The following PUDP variants were observed in gnomAD, a reference collection of about 807,000 sequenced individuals.
PUDP encodes the protein pseudouridine 5'-phosphatase, also known as pseudouridine-5'-phosphatase.
In PUDP, 8 loss-of-function variants were observed where a neutral mutation model predicts 9.4. That is an observed-to-expected ratio of 0.85 (90% CI 0.50 to 1.53). The LOEUF is 1.53. PUDP is among the 40% of genes most tolerant of loss of function. PUDP has a pLI of 0.00. For missense variants in PUDP, 188 were observed against 189.7 expected (o/e 0.99, Z 0.05); for synonymous variants, 99 against 80.7 (o/e 1.23, Z -1.22).
intron 3 of PUDP, among the ~76,000 whole-genome samples, chrX:7,061,166 G>C (rs1021281569): frequency 3.6e-5 from 4 of 111,014 alleles, no homozygotes; most frequent in Non-Finnish European, 7.6e-5. Context: ...GAAATTACTG[G>C]GGCTACTGAC....
intron 3 of PUDP, among the ~76,000 whole-genome samples, chrX:7,076,111 G>T (rs1293761162): frequency 2.7e-5 from 3 of 111,744 alleles, no homozygotes; most frequent in Non-Finnish European, 3.8e-5. Flanking sequence ...GCTCAAGGTA[G>T]TAAGTTGCAC....
intron 3 of PUDP, among the ~76,000 whole-genome samples, chrX:6,829,808 G>A (rs1041834634): frequency 9.1e-6 from 1 of 110,466 alleles, no homozygotes; most frequent in Non-Finnish European, 1.9e-5. Flanking sequence ...GCAACTCTCA[G>A]GTAAGCCACT....
intron 3 of PUDP, among the ~76,000 whole-genome samples, chrX:6,942,863 C>T (rs188657118): frequency 7.9e-4 from 88 of 112,068 alleles, no homozygotes; most frequent in African/African-American, 2.4e-3. Flanking sequence ...GCCACCTTGG[C>T]CACAGCTGGA....
intron 3 of PUDP, among the ~76,000 whole-genome samples, chrX:6,757,274 T>G (rs1322120864): frequency 1.8e-5 from 2 of 111,330 alleles, no homozygotes. Context: ...GCCATTAATA[T>G]AGTGAACATA....
intron 1 of PUDP, among the ~76,000 whole-genome samples, chrX:7,006,904 T>C (rs963198583): frequency 2.7e-5 from 3 of 111,204 alleles, no homozygotes; most frequent in African/African-American, 9.8e-5. Flanking sequence ...AAATAGATAA[T>C]GGCACAGTGG....
chrX:7,103,830 C>T (rs776116866), intron 2 of PUDP, among the ~76,000 whole-genome samples: 2 of 111,992 alleles, frequency 1.8e-5, no homozygotes, highest in African/African-American at 6.5e-5. Context: ...ATATGCAAAT[C>T]AAAACCATAA....
At chrX:6,991,175 T>C (rs903410795) in intron 1 of PUDP, among the ~76,000 whole-genome samples, 3 of 111,937 alleles carry the variant, frequency 2.7e-5, no homozygotes, top group East Asian at 5.7e-4. Flanking sequence ...GATGAGGTTG[T>C]GTGCATTTTT....
At chrX:6,930,090 TCTTCC>T (rs1280412940) in intron 3 of PUDP, among the ~76,000 whole-genome samples, 1 of 111,087 alleles carries the variant, frequency 9.0e-6, no homozygotes, top group Non-Finnish European at 1.9e-5. Context: ...CTTTCCAGGG[TCTTCC>T]AGGATGAAGG....
At chrX:7,034,439 T>C (rs981930143) in intron 1 of PUDP, among the ~76,000 whole-genome samples, 6 of 111,955 alleles carry the variant, frequency 5.4e-5, no homozygotes, top group African/African-American at 1.9e-4. Flanking sequence ...CATGCAACTC[T>C]TTCTAGGAAA....
At chrX:6,758,303 A>T (rs754393278) in intron 3 of PUDP, among the ~76,000 whole-genome samples, 13 of 109,985 alleles carry the variant, frequency 1.2e-4, no homozygotes, top group African/African-American at 3.3e-4. Context: ...CTCTACAAAA[A>T]TTTTTTTTAA....
At chrX:6,799,043 C>T (rs186896700) in intron 3 of PUDP, among the ~76,000 whole-genome samples, 14 of 112,624 alleles carry the variant, frequency 1.2e-4, no homozygotes, top group African/African-American at 4.2e-4. Flanking sequence ...CCTCAGCCCC[C>T]CAAAGCTCTA....
At chrX:7,010,643 A>G (rs1383179084) in intron 1 of PUDP, among the ~76,000 whole-genome samples, 1 of 111,712 alleles carries the variant, frequency 9.0e-6, no homozygotes, top group Non-Finnish European at 1.9e-5. Context: ...GCCACCCACC[A>G]GAACTGCCTG....
intron 1 of PUDP, among the ~76,000 whole-genome samples, chrX:6,987,391 G>A (rs2146802689): frequency 8.9e-6 from 1 of 112,033 alleles, no homozygotes; most frequent in Admixed American, 9.5e-5. Flanking sequence ...GGAAATTAGA[G>A]ACTCGGGGGT....
At chrX:7,047,816 T>C, downstream of PUDP, among the ~76,000 whole-genome samples, 1 of 112,624 alleles carries the variant, frequency 8.9e-6, no homozygotes, top group Middle Eastern at 4.6e-3. Context: ...TTATTACAGA[T>C]AGGTGAAAAC....
At chrX:7,074,797 A>G (rs1332946491) in intron 3 of PUDP, among the ~76,000 whole-genome samples, 3 of 112,519 alleles carry the variant, frequency 2.7e-5, no homozygotes, top group Middle Eastern at 4.6e-3. Flanking sequence ...GCAGACATAC[A>G]CATGTCCAGA....
downstream of PUDP, among the ~76,000 whole-genome samples, chrX:7,045,025 TC>T (rs756724466): frequency 4.5e-5 from 5 of 110,973 alleles, no homozygotes; most frequent in Admixed American, 9.5e-5. Context: ...TCGCTCTGTG[TC>T]CCCCCCCAAA....
At chrX:6,955,511 C>T (rs944837011) in intron 3 of PUDP, among the ~76,000 whole-genome samples, 3 of 111,382 alleles carry the variant, frequency 2.7e-5, no homozygotes, top group African/African-American at 6.5e-5. Flanking sequence ...AGACATTGAC[C>T]GTGATGTTTC....
At chrX:6,768,701 T>A (rs989848126) in intron 3 of PUDP, among the ~76,000 whole-genome samples, 1 of 112,318 alleles carries the variant, frequency 8.9e-6, no homozygotes, top group African/African-American at 3.2e-5. Flanking sequence ...AGGAAATATC[T>A]AGATTGCTGG....
chrX:7,004,912 T>C (rs777795764), intron 1 of PUDP, among the ~76,000 whole-genome samples: 1 of 112,463 alleles, frequency 8.9e-6, no homozygotes, highest in South Asian at 3.7e-4. Context: ...GATGAAAGAA[T>C]GCAAAGCCTT....
Sources: gnomAD v4.1 joint callset for allele counts (sites outside exome capture counted in the v4.1 genomes callset) on GRCh38, gnomAD v4.1.1 for gene constraint, MANE v1.5 for transcripts, NCBI Gene and HGNC (gene_info 2026-07-23, HGNC 2026-07-21) for gene names.